COQ3: variants seen among roughly 807,000 people sequenced by gnomAD.
COQ3 encodes coenzyme Q3, methyltransferase.
COQ3 carries 29 observed loss-of-function variants against 33.1 expected under a neutral mutation model. The ratio of observed to expected loss-of-function variants is 0.88; its 90% confidence interval spans 0.65 to 1.19. The LOEUF is 1.19. Ranked by LOEUF, COQ3 falls within the 50% of genes most tolerant of loss-of-function variation. The probability of loss-of-function intolerance (pLI) is 0.00; values close to 1 mark genes in which losing one functional copy is unlikely to be tolerated. For synonymous variants in COQ3, 173 were observed against 157.8 expected, an observed-to-expected ratio of 1.10 and a Z score of -0.72; for missense variants, 437 against 430.7, an observed-to-expected ratio of 1.01 and a Z score of -0.13.
intron 4 of COQ3, 91 bp from the exon 5 acceptor site, chr6:99,376,273 C>A: frequency 7.3e-7 from 1 of 1,364,440 alleles, no homozygotes. Flanking sequence ...CAAGATTAAC[C>A]ATGAGGTGAT....
intron 1 of COQ3, among the ~76,000 whole-genome samples, chr6:99,387,621 A>C (rs1187404624): frequency 6.6e-6 from 1 of 152,236 alleles, no homozygotes; most frequent in Non-Finnish European, 1.5e-5. Context: ...AAAAACCTAT[A>C]GCTCACATAG....
Position 99,394,077 on chromosome 6 carries a change from C to A in COQ3, c.103G>T (p.Ala35Ser). 1 of 1,613,458 alleles carries A rather than the reference C, an allele frequency of 6.2e-7. No homozygotes were observed. Among genetic ancestry groups the A allele is most frequent in the Non-Finnish European group, 8.5e-7 (1 of 1,179,456 alleles). ...TKAARPLISS[A>S]VYVKNQLSGT... ...GGACCTCCGCACACACACTCACCCG[C>A]CGAGGAAATTAAGGGACGCGCAGCT... The change falls in exon 1 of 7, where the codon GCG (alanine) becomes TCG (serine). Residue 35 changes from alanine to serine, a missense_variant. Transcript: ENST00000254759.
chr6:99,376,920 G>A (rs1345405372), intron 4 of COQ3, among the ~76,000 whole-genome samples: 3 of 151,394 alleles, frequency 2.0e-5, no homozygotes. Context: ...CTGAGATCAT[G>A]CCATTGCACT....
At chr6:99,393,417 T>A (rs1329226745) in intron 1 of COQ3, among the ~76,000 whole-genome samples, 1 of 152,204 alleles carries the variant, frequency 6.6e-6, no homozygotes, top group Non-Finnish European at 1.5e-5. Context: ...CTAACATTTT[T>A]AAAGAGATCC....
chr6:99,378,948 C>CT (rs144759090), intron 3 of COQ3, among the ~76,000 whole-genome samples: 52,316 of 142,598 alleles, frequency 0.37, 9,658 homozygotes, highest in South Asian at 0.57. Flanking sequence ...CAATTTCTTT[C>CT]TTTTTTTTTT....
rs761714137 is a variant in COQ3 at position 99,394,165 on chromosome 6, A to G, written c.15T>C (p.Arg5=). The G allele has an allele frequency of 1.9e-6, 3 of 1,601,200 alleles. No individual in the cohort carries two copies. The highest frequency in any genetic ancestry group is 1.4e-5 in the African/African-American group (1 of 73,636). The change falls in exon 1 of 7, where the codon CGT becomes CGC. Residue 5 remains arginine, a synonymous_variant. Coordinates refer to ENST00000254759, the MANE Select transcript of COQ3 (RefSeq NM_017421.4). ...ACCAACCCCCGGAGGAGCCCAGCTT[A>G]CGGCCACTCCACATCGCGACAAACG... The part of the protein sequence containing the change: MWSG[R]KLGSSGGWFL...
intron 1 of COQ3, among the ~76,000 whole-genome samples, chr6:99,388,927 A>C (rs918948369): frequency 9.9e-4 from 74 of 75,034 alleles, no homozygotes; most frequent in African/African-American, 2.4e-3. Context: ...ACACACACAC[A>C]CACACACCCA....
At chr6:99,377,970 G>A (rs531154386) in intron 3 of COQ3, among the ~76,000 whole-genome samples, 1 of 151,384 alleles carries the variant, frequency 6.6e-6, no homozygotes, top group South Asian at 2.1e-4. Flanking sequence ...TTTCATGTAT[G>A]AGCATGTAAA....
In COQ3 at chr6:99,383,846, C is replaced by A. The variant is rs775785390; in HGVS notation, c.107-22G>T. ...TAAACTGAAAAAAAAAATTAAATAT[C>A]TAGAGAAAAGCTTTGCACAGTAAGA... On this transcript the variant is annotated intron_variant, in intron 1 of 6. Transcript: ENST00000254759. 3 of 1,545,718 alleles carry A rather than the reference C, an allele frequency of 1.9e-6. No homozygotes were observed. In the African/African-American group the frequency reaches 4.2e-5, roughly 22 times the overall value.
rs568271892 is a variant in COQ3, at chr6:99,391,459, A to G, written c.106+2615T>C. On this transcript the variant is annotated intron_variant, in intron 1 of 6. Transcript: ENST00000254759. ...GGACTACCTTTTAAGACCCAGTTCAAATATCACCTCCTGTATGACTTTAGG... is the reference window on the plus strand; with the variant it reads ...GGACTACCTTTTAAGACCCAGTTCAGATATCACCTCCTGTATGACTTTAGG... Among the ~76,000 whole-genome samples, 6 of 152,264 alleles carry G rather than the reference A, an allele frequency of 3.9e-5. No homozygotes were observed. In the South Asian group the frequency reaches 1.2e-3, roughly 32 times the overall value.
chr6:99,392,195 G>A (rs1283710379), intron 1 of COQ3, among the ~76,000 whole-genome samples: 5 of 152,028 alleles, frequency 3.3e-5, no homozygotes, highest in African/African-American at 9.7e-5. Flanking sequence ...TTATTGAAAA[G>A]TCATTTATTC....
intron 6 of COQ3, 21 bp from the exon 7 acceptor site, chr6:99,369,841 A>G (rs775297167): frequency 2.1e-6 from 3 of 1,443,088 alleles, no homozygotes; most frequent in Non-Finnish European, 1.9e-6. Flanking sequence ...AAAAAATCAG[A>G]AAGAGTAGAT....
At chr6:99,371,371 G>T in intron 6 of COQ3, 57 bp downstream of exon 6, 2 of 1,123,618 alleles carry the variant, frequency 1.8e-6, no homozygotes, top group East Asian at 2.5e-5. Flanking sequence ...ATAATTACTG[G>T]CATATTAAAA....
intron 1 of COQ3, among the ~76,000 whole-genome samples, chr6:99,392,866 G>T (rs1452745017): frequency 6.6e-6 from 1 of 152,102 alleles, no homozygotes; most frequent in Non-Finnish European, 1.5e-5. Flanking sequence ...CAAGTGAGCT[G>T]CCTGTCTCGA....
chr6:99,377,325 C>T (rs1774317402), intron 4 of COQ3, 61 bp downstream of exon 4: 1 of 1,181,080 alleles, frequency 8.5e-7, no homozygotes, highest in Non-Finnish European at 1.3e-6. Flanking sequence ...ATAAATGAGG[C>T]ACAAGTCTAC....
chr6:99,375,633 C>A (rs1262192681), intron 5 of COQ3, among the ~76,000 whole-genome samples: 2 of 152,134 alleles, frequency 1.3e-5, no homozygotes, highest in African/African-American at 2.4e-5. Context: ...GATCTGCCCA[C>A]CTTGGCCTCC....
intron 1 of COQ3, 24 bp downstream of exon 1, chr6:99,394,050 A>G: frequency 6.3e-7 from 1 of 1,580,204 alleles, no homozygotes; most frequent in African/African-American, 1.3e-5. Context: ...ACTGCATGCG[A>G]AGGACCTCCG....
chr6:99,393,358 G>T (rs564523645), intron 1 of COQ3, among the ~76,000 whole-genome samples: 1 of 152,128 alleles, frequency 6.6e-6, no homozygotes. Context: ...TTAATGGGCG[G>T]TTAGATTCCC....
At chr6:99,378,583 T>C (rs1466251584) in intron 3 of COQ3, among the ~76,000 whole-genome samples, 2 of 152,164 alleles carry the variant, frequency 1.3e-5, no homozygotes, top group Non-Finnish European at 2.9e-5. Flanking sequence ...ACGTAAAGTT[T>C]GCTTAAAATG....
Sources: gnomAD v4.1 joint callset for allele counts (sites outside exome capture counted in the v4.1 genomes callset) on GRCh38, gnomAD v4.1.1 for gene constraint, MANE v1.5 for transcripts, NCBI Gene and HGNC (gene_info 2026-07-23, HGNC 2026-07-21) for gene names.